CXCL13: variants seen among roughly 807,000 people sequenced by gnomAD.
CXCL13 encodes the protein C-X-C motif chemokine ligand 13.
Under a neutral mutation model 12.2 loss-of-function variants are expected in CXCL13, and 7 were observed. That is an observed-to-expected ratio of 0.57 (90% CI 0.33 to 1.07). The LOEUF is 1.07. Ranked by LOEUF, CXCL13 falls within the 50% of genes least tolerant of loss-of-function variation. The pLI is 0.04. For synonymous variants in CXCL13, 47 were observed against 42.4 expected (o/e 1.11, Z -0.42); for missense variants, 113 against 127.4 (o/e 0.89, Z 0.55).
At chr4:77,530,566 G>A in intron 1 of CXCL13, among the ~76,000 whole-genome samples, 1 of 152,148 alleles carries the variant, frequency 6.6e-6, no homozygotes, top group East Asian at 1.9e-4. Context: ...TTTCATAGAG[G>A]TGTTTATAGT....
At chr4:77,532,499 T>G (rs1480700208) in intron 1 of CXCL13, among the ~76,000 whole-genome samples, 1 of 152,198 alleles carries the variant, frequency 6.6e-6, no homozygotes, top group Non-Finnish European at 1.5e-5. Flanking sequence ...CATTTCAACT[T>G]TGGTGAATCT....
At chr4:77,554,101 A>T (rs1364458864) in intron 1 of CXCL13, among the ~76,000 whole-genome samples, 1 of 152,096 alleles carries the variant, frequency 6.6e-6, no homozygotes, top group African/African-American at 2.4e-5. Flanking sequence ...AAAGAAACCA[A>T]CCAGAACAGT....
intron 1 of CXCL13, among the ~76,000 whole-genome samples, chr4:77,588,960 C>T (rs1726544735): frequency 6.6e-6 from 1 of 152,188 alleles, no homozygotes; most frequent in South Asian, 2.1e-4. Context: ...GAAGCAGTTT[C>T]CTCTTAGCCA....
intron 1 of CXCL13, among the ~76,000 whole-genome samples, chr4:77,550,007 C>G (rs1054402105): frequency 6.6e-6 from 1 of 152,232 alleles, no homozygotes; most frequent in Non-Finnish European, 1.5e-5. Context: ...CCAGTTCAAG[C>G]TTCCTAGCTG....
intron 1 of CXCL13, among the ~76,000 whole-genome samples, chr4:77,564,593 C>A (rs534631704): frequency 1.3e-5 from 2 of 152,184 alleles, no homozygotes; most frequent in East Asian, 1.9e-4. Flanking sequence ...TGACAACAAC[C>A]CTTTAAGGCA....
At chr4:77,529,134 C>T (rs1449434940) in intron 1 of CXCL13, among the ~76,000 whole-genome samples, 1 of 152,102 alleles carries the variant, frequency 6.6e-6, no homozygotes, top group African/African-American at 2.4e-5. Context: ...TTCCATTGGT[C>T]TATATCTCTG....
chr4:77,580,568 G>A (rs148934786), intron 1 of CXCL13, among the ~76,000 whole-genome samples: 31 of 151,624 alleles, frequency 2.0e-4, no homozygotes, highest in South Asian at 1.3e-3. Context: ...CTCATGATCC[G>A]CCTCCATCAG....
chr4:77,561,225 C>G (rs181666853), intron 1 of CXCL13, among the ~76,000 whole-genome samples: 144 of 152,254 alleles, frequency 9.5e-4, no homozygotes, highest in African/African-American at 3.4e-3. Flanking sequence ...CCAGGAACAG[C>G]AGTGTTACCT....
chr4:77,596,701 T>C (rs531760364), intron 1 of CXCL13, among the ~76,000 whole-genome samples: 8 of 150,676 alleles, frequency 5.3e-5, no homozygotes, highest in Admixed American at 1.3e-4. Context: ...AGGAGAATCA[T>C]TGGAACCCGG....
chr4:77,516,544 A>T lies in CXCL13; in HGVS notation c.-43+4756A>T, dbSNP rs531040169. 4.4e-3 allele frequency among the ~76,000 whole-genome samples: 664 copies of T among 152,272 alleles called. 16 individuals are homozygous for T. The highest frequency in any genetic ancestry group is 0.026 in the East Asian group (136 of 5,176). The stretch of plus-strand genomic sequence containing the variant: ...TCCTGGTTTAGTCTTGGGAGAGTGT[A>T]TGTGTGGAGGAATTTATCCATTTCT... On this transcript the variant is annotated intron_variant, in intron 1 of 4. Transcript: ENST00000286758.
chr4:77,521,110 T>A (rs184209692), intron 1 of CXCL13, among the ~76,000 whole-genome samples: 1 of 152,296 alleles, frequency 6.6e-6, no homozygotes, highest in East Asian at 1.9e-4. Flanking sequence ...GCTGCTGGAT[T>A]TGGTTTGCCA....
At chr4:77,515,172 G>C (rs1156525902) in intron 1 of CXCL13, among the ~76,000 whole-genome samples, 1 of 152,194 alleles carries the variant, frequency 6.6e-6, no homozygotes, top group African/African-American at 2.4e-5. Context: ...CTATATCTCT[G>C]TTTTAGTACC....
intron 1 of CXCL13, among the ~76,000 whole-genome samples, chr4:77,579,202 C>A (rs1726260295): frequency 6.6e-6 from 1 of 152,210 alleles, no homozygotes; most frequent in East Asian, 1.9e-4. Context: ...CTGAAGGCAC[C>A]CACATTTTGG....
chr4:77,594,028 G>A (rs1188229432), intron 1 of CXCL13, among the ~76,000 whole-genome samples: 1 of 152,224 alleles, frequency 6.6e-6, no homozygotes, highest in Non-Finnish European at 1.5e-5. Context: ...TATAATGAAA[G>A]CCATGCCGTA....
intron 1 of CXCL13, among the ~76,000 whole-genome samples, chr4:77,522,948 T>C (rs937706585): frequency 6.6e-6 from 1 of 152,198 alleles, no homozygotes; most frequent in African/African-American, 2.4e-5. Flanking sequence ...TAAAGGATTT[T>C]ATTTCTCCTT....
rs189747919 is a variant in CXCL13, at chr4:77,521,553, G to A, written c.-43+9765G>A. Among the ~76,000 whole-genome samples, 24 of 151,890 alleles carry A rather than the reference G, an allele frequency of 1.6e-4. No homozygotes were observed. The East Asian group carries it at 3.1e-3, about 20-fold the overall frequency. On this transcript the variant is annotated intron_variant, in intron 1 of 4. Transcript: ENST00000286758. ...TGGTAGTTTGTATTTCTGTGGGATCGGTGGTGATATCCCCTTTATCATTTT... is the reference window on the plus strand; with the variant it reads ...TGGTAGTTTGTATTTCTGTGGGATCAGTGGTGATATCCCCTTTATCATTTT...
At chr4:77,529,830 G>C (rs965007449) in intron 1 of CXCL13, among the ~76,000 whole-genome samples, 1 of 152,142 alleles carries the variant, frequency 6.6e-6, no homozygotes. Context: ...GGAGTGGTGA[G>C]AGAGGGCATC....
At chr4:77,516,315 G>A (rs972336997) in intron 1 of CXCL13, among the ~76,000 whole-genome samples, 1 of 152,132 alleles carries the variant, frequency 6.6e-6, no homozygotes, top group African/African-American at 2.4e-5. Flanking sequence ...GGATGATGCT[G>A]GCCTCATAAA....
At chr4:77,523,336 T>A (rs1427170620) in intron 1 of CXCL13, among the ~76,000 whole-genome samples, 1 of 152,220 alleles carries the variant, frequency 6.6e-6, no homozygotes, top group Non-Finnish European at 1.5e-5. Flanking sequence ...CCGATCACTT[T>A]CAGGTACACC....
Sources: gnomAD v4.1 joint callset for allele counts (sites outside exome capture counted in the v4.1 genomes callset) on GRCh38, gnomAD v4.1.1 for gene constraint, MANE v1.5 for transcripts, NCBI Gene and HGNC (gene_info 2026-07-23, HGNC 2026-07-21) for gene names.